HS6ST3: variants seen among roughly 807,000 people sequenced by gnomAD.
HS6ST3 encodes the protein heparan-sulfate 6-O-sulfotransferase 3.
A neutral mutation model predicts 36.7 loss-of-function variants in HS6ST3; 12 were observed. The ratio of observed to expected loss-of-function variants is 0.33; its 90% confidence interval spans 0.21 to 0.53. The LOEUF is 0.53. Among genes scored for constraint, HS6ST3 ranks in the 20% least tolerant of loss-of-function variants. The pLI is 0.95. For synonymous variants in HS6ST3, 240 were observed against 257.5 expected (o/e 0.93, Z 0.65); for missense variants, 584 against 640.9 (o/e 0.91, Z 0.96).
At chr13:96,495,064 T>C (rs753601729) in intron 1 of HS6ST3, among the ~76,000 whole-genome samples, 1 of 152,212 alleles carries the variant, frequency 6.6e-6, no homozygotes, top group Non-Finnish European at 1.5e-5. Flanking sequence ...TCTTATTCTG[T>C]CTTGACATCT....
intron 1 of HS6ST3, among the ~76,000 whole-genome samples, chr13:96,229,710 G>T (rs1359385993): frequency 6.6e-6 from 1 of 152,138 alleles, no homozygotes; most frequent in Non-Finnish European, 1.5e-5. Flanking sequence ...ATAACAAATG[G>T]GTATTGAGGA....
At chr13:96,298,351 G>C (rs2054865529) in intron 1 of HS6ST3, among the ~76,000 whole-genome samples, 1 of 152,210 alleles carries the variant, frequency 6.6e-6, no homozygotes. Flanking sequence ...TGTGATGGGA[G>C]GAAGGAAATG....
chr13:96,294,882 G>A (rs1462391709), intron 1 of HS6ST3, among the ~76,000 whole-genome samples: 2 of 152,126 alleles, frequency 1.3e-5, no homozygotes, highest in East Asian at 1.9e-4. Flanking sequence ...TTATATAAAT[G>A]TGATATAGAA....
intron 1 of HS6ST3, among the ~76,000 whole-genome samples, chr13:96,508,246 C>G (rs2056034598): frequency 6.6e-6 from 1 of 152,042 alleles, no homozygotes; most frequent in African/African-American, 2.4e-5. Flanking sequence ...CTGCTGAACT[C>G]AAGTCTTTCT....
intron 1 of HS6ST3, among the ~76,000 whole-genome samples, chr13:96,389,322 C>A (rs759298840): frequency 6.6e-6 from 1 of 151,870 alleles, no homozygotes; most frequent in Non-Finnish European, 1.5e-5. Context: ...ACTATAGTAA[C>A]GATTTTACTA....
chr13:96,613,964 G>A (rs1205164509), intron 1 of HS6ST3, among the ~76,000 whole-genome samples: 1 of 152,094 alleles, frequency 6.6e-6, no homozygotes, highest in Non-Finnish European at 1.5e-5. Flanking sequence ...CTCCATCTGA[G>A]GAGTTCACAT....
chr13:96,715,235 C>T (rs1875664570), intron 1 of HS6ST3, among the ~76,000 whole-genome samples: 1 of 151,620 alleles, frequency 6.6e-6, no homozygotes, highest in African/African-American at 2.4e-5. Context: ...AAAAGAAATA[C>T]TATGTATTTT....
intron 1 of HS6ST3, among the ~76,000 whole-genome samples, chr13:96,499,663 T>C (rs1346951827): frequency 6.6e-6 from 1 of 152,138 alleles, no homozygotes; most frequent in Admixed American, 6.6e-5. Flanking sequence ...ATGATCACTT[T>C]CTGGGCAGCA....
At chr13:96,179,185 T>G (rs1409045549) in intron 1 of HS6ST3, among the ~76,000 whole-genome samples, 2 of 152,150 alleles carry the variant, frequency 1.3e-5, no homozygotes, top group Non-Finnish European at 2.9e-5. Context: ...GAGTGTGCCA[T>G]GGCCAAGGTA....
intron 1 of HS6ST3, among the ~76,000 whole-genome samples, chr13:96,637,010 TA>T (rs923696959): frequency 3.1e-3 from 470 of 151,140 alleles, no homozygotes; most frequent in African/African-American, 1.0e-2. Context: ...AATTTAAATT[TA>T]AAAAAAAAGA....
chr13:96,338,338 G>A (rs1810066745), intron 1 of HS6ST3, among the ~76,000 whole-genome samples: 1 of 152,180 alleles, frequency 6.6e-6, no homozygotes, highest in South Asian at 2.1e-4. Context: ...CTTGGCTGCA[G>A]TATTCGGGGA....
intron 1 of HS6ST3, among the ~76,000 whole-genome samples, chr13:96,511,818 T>C (rs2056051049): frequency 6.6e-6 from 1 of 152,166 alleles, no homozygotes; most frequent in African/African-American, 2.4e-5. Context: ...TGACAATCTT[T>C]TCCATCATTT....
At chr13:96,819,046 G>C (rs992023648) in intron 1 of HS6ST3, among the ~76,000 whole-genome samples, 6 of 152,198 alleles carry the variant, frequency 3.9e-5, no homozygotes, top group African/African-American at 1.4e-4. Context: ...CTTTGGGGGA[G>C]ACTGTAAGAA....
chr13:96,615,526 A>G (rs978268326), intron 1 of HS6ST3, among the ~76,000 whole-genome samples: 1 of 152,226 alleles, frequency 6.6e-6, no homozygotes, highest in Non-Finnish European at 1.5e-5. Context: ...TAGACCCTGT[A>G]TATATCACTA....
intron 1 of HS6ST3, among the ~76,000 whole-genome samples, chr13:96,632,941 G>T: frequency 6.6e-6 from 1 of 152,198 alleles, no homozygotes; most frequent in East Asian, 1.9e-4. Context: ...TGTTAACAGT[G>T]AAATCACTCA....
chr13:96,240,474 T>C (rs1202415217), intron 1 of HS6ST3, among the ~76,000 whole-genome samples: 2 of 152,212 alleles, frequency 1.3e-5, no homozygotes, highest in Non-Finnish European at 2.9e-5. Context: ...ACAGGAACAT[T>C]CATTTGCTAA....
intron 1 of HS6ST3, among the ~76,000 whole-genome samples, chr13:96,322,223 A>G (rs1427401632): frequency 1.3e-5 from 2 of 151,900 alleles, no homozygotes; most frequent in Non-Finnish European, 2.9e-5. Flanking sequence ...TTCCCTCTCT[A>G]TTTGGTTATC....
chr13:96,547,104 C>T (rs960318024), intron 1 of HS6ST3, among the ~76,000 whole-genome samples: 2 of 152,076 alleles, frequency 1.3e-5, no homozygotes, highest in Non-Finnish European at 2.9e-5. Flanking sequence ...CTGTCTTATG[C>T]GAGTAAGTTG....
intron 1 of HS6ST3, among the ~76,000 whole-genome samples, chr13:96,801,716 C>T (rs1878078754): frequency 6.6e-6 from 1 of 152,010 alleles, no homozygotes; most frequent in South Asian, 2.1e-4. Flanking sequence ...CACGCCTGTC[C>T]CTCTTGCTGG....
Sources: allele counts gnomAD v4.1 joint callset (sites outside exome capture counted in the v4.1 genomes callset), GRCh38; gene constraint gnomAD v4.1.1; transcripts MANE v1.5; gene names NCBI Gene and HGNC (gene_info 2026-07-23, HGNC 2026-07-21).